LONRF1: variants seen among roughly 807,000 people sequenced by gnomAD.
LONRF1 encodes the protein LON peptidase N-terminal domain and RING finger protein 1.
Under a neutral mutation model 85.8 loss-of-function variants are expected in LONRF1, and 37 were observed. The ratio of observed to expected loss-of-function variants is 0.43; its 90% CI spans 0.33 to 0.57. The LOEUF is 0.57. Among genes scored for constraint, LONRF1 ranks in the 20% least tolerant of loss-of-function variants. The probability of loss-of-function intolerance (pLI) is 0.04; values close to 1 mark genes in which losing one functional copy is unlikely to be tolerated. For missense variants in LONRF1, 1,036 were observed against 978.0 expected (o/e 1.06, Z -0.79); for synonymous variants, 517 against 390.1 (o/e 1.33, Z -3.83).
At chr8:12,733,700 A>G (rs904590212) in intron 7 of LONRF1, among the ~76,000 whole-genome samples, 3 of 152,196 alleles carry the variant, frequency 2.0e-5, no homozygotes, top group African/African-American at 2.4e-5. Flanking sequence ...AACCTTATAT[A>G]TCCAACAACA....
rs1805917194 is a variant in LONRF1, at chr8:12,722,237, T to TC, written c.*858dup. ...TGCATTTTTTTTTAAAACAAACACA[T>TC]CATGTCAAACTATAAATTACACAAA... On this transcript the variant is annotated 3_prime_UTR_variant, in exon 12 of 12. Transcript: ENST00000398246. 6.6e-6 allele frequency: 1 copy of TC among 152,536 alleles called. No individual in the cohort carries two copies. The highest frequency in any genetic ancestry group is 1.5e-5 in the Non-Finnish European group (1 of 68,014). The allele number at this position is 152,536 out of a possible 1,614,324, so 9.4% of individuals were successfully genotyped here. A position where few individuals can be genotyped will look rare whatever the true frequency, so the allele number is the denominator to read the frequency against.
Position 12,738,121 on chromosome 8 carries a change from A to C in LONRF1, c.987T>G (p.Pro329=), listed in dbSNP as rs772463969. ...VQKILCDLLL[P]ENLKEGLKES... is the part of the protein sequence containing the mutation. ...CCTTCAGGCCTTCTTTTAAGTTTTC[A>C]GGTAATAATAAATCACATAAAATCT... Residue 329 remains proline (P), a synonymous_variant, in exon 4 of 12, where the codon CCT becomes CCG. Transcript: ENST00000398246. 2.5e-6 allele frequency: 4 copies of C among 1,582,304 alleles called. No homozygotes were observed. The highest frequency in any genetic ancestry group is 3.4e-6 in the Non-Finnish European group (4 of 1,159,512).
rs775406116 is a variant in LONRF1 at position 12,737,180 on chromosome 8, A to C, written c.1114-40T>G. The C allele has an allele frequency of 6.3e-6, 10 of 1,598,664 alleles. No homozygotes were observed. In the South Asian group the frequency reaches 1.1e-4, roughly 18 times the overall value. The stretch of plus-strand genomic sequence containing the variant: ...TAAACAAAGGTAACTGTATTTCTTT[A>C]CTATCCTTTATTCCTCTCACCAAGA... On this transcript the variant is annotated intron_variant, in intron 4 of 11. Transcript: ENST00000398246.
intron 1 of LONRF1, among the ~76,000 whole-genome samples, chr8:12,747,109 G>T (rs919166591): frequency 5.9e-5 from 9 of 152,124 alleles, no homozygotes; most frequent in African/African-American, 1.9e-4. Context: ...ATTAAAATTT[G>T]ATTCCTTAAG....
intron 1 of LONRF1, among the ~76,000 whole-genome samples, chr8:12,751,302 T>TGTTTGTTTG (rs1263610391): frequency 1.0e-5 from 1 of 96,600 alleles, no homozygotes; most frequent in Non-Finnish European, 2.4e-5. Context: ...TTATGTTTTT[T>TGTTTGTTTG]TTTTTTTTTT....
intron 7 of LONRF1, among the ~76,000 whole-genome samples, chr8:12,734,874 C>A (rs1471948451): frequency 1.3e-5 from 2 of 152,120 alleles, no homozygotes; most frequent in Admixed American, 6.6e-5. Context: ...TCCATCAATG[C>A]AGAAAATTCT....
chr8:12,737,414 T>A (rs1229959832), intron 4 of LONRF1: 1 of 601,190 alleles, frequency 1.7e-6, no homozygotes, highest in Non-Finnish European at 3.1e-6. Flanking sequence ...GACTTTTTTC[T>A]TGTCATTATT....
chr8:12,728,410 G>C (rs1222446820), intron 10 of LONRF1, among the ~76,000 whole-genome samples: 2 of 152,118 alleles, frequency 1.3e-5, no homozygotes, highest in African/African-American at 4.8e-5. Context: ...GTTATCTTAG[G>C]CACAAGAACA....
chr8:12,730,464 T>C (rs1263151014), intron 8 of LONRF1, among the ~76,000 whole-genome samples: 1 of 152,168 alleles, frequency 6.6e-6, no homozygotes, highest in East Asian at 1.9e-4. Flanking sequence ...AGGTGAAACA[T>C]GTTTAAAATA....
At chr8:12,735,100 C>T (rs1468809317) in intron 7 of LONRF1, among the ~76,000 whole-genome samples, 186 bp downstream of exon 7, 1 of 152,018 alleles carries the variant, frequency 6.6e-6, no homozygotes, top group African/African-American at 2.4e-5. Context: ...CTTCTTTCTC[C>T]CCATCCTCTT....
At chr8:12,734,665 C>T (rs976174532) in intron 7 of LONRF1, among the ~76,000 whole-genome samples, 1 of 152,174 alleles carries the variant, frequency 6.6e-6, no homozygotes, top group Non-Finnish European at 1.5e-5. Context: ...GGAAGCTGTA[C>T]CTCCCTCTCT....
chr8:12,748,511 G>A (rs889603634), intron 1 of LONRF1, among the ~76,000 whole-genome samples: 1 of 152,100 alleles, frequency 6.6e-6, no homozygotes, highest in Non-Finnish European at 1.5e-5. Flanking sequence ...AAGTTATAAA[G>A]ATATACAACA....
At chr8:12,747,935 T>G (rs1375934162) in intron 1 of LONRF1, among the ~76,000 whole-genome samples, 1 of 152,208 alleles carries the variant, frequency 6.6e-6, no homozygotes, top group Non-Finnish European at 1.5e-5. Context: ...ATGTGTAAAG[T>G]ACATTTTTAA....
At chr8:12,746,753 C>T (rs988390303) in intron 1 of LONRF1, among the ~76,000 whole-genome samples, 9 of 152,274 alleles carry the variant, frequency 5.9e-5, no homozygotes, top group Admixed American at 2.0e-4. Context: ...GTATATGCAG[C>T]TTGCCCATGA....
Position 12,745,918 on chromosome 8 carries a change from G to A in LONRF1, c.722-2636C>T, listed in dbSNP as rs547145054. On this transcript the variant is annotated intron_variant, in intron 1 of 11. Transcript: ENST00000398246. ...GCTAGTTGTCATGATTTAACTCCCT[G>A]ATCTTTATCTTTAGTCCTGATTTTT... 5.9e-5 allele frequency among the ~76,000 whole-genome samples: 9 copies of A among 152,174 alleles called. No homozygotes were observed. The South Asian group carries it at 1.9e-3, about 32-fold the overall frequency.
chr8:12,731,878 A>G, intron 7 of LONRF1, 21 bp from the exon 8 acceptor site: 1 of 1,604,130 alleles, frequency 6.2e-7, no homozygotes, highest in Non-Finnish European at 8.5e-7. Context: ...ATATTATTTT[A>G]CATTCCAGCA....
chr8:12,729,199 T>A lies in LONRF1; in HGVS notation c.1822A>T (p.Met608Leu), dbSNP rs1172255761. 1 of 1,613,842 alleles carries A rather than the reference T, an allele frequency of 6.2e-7. No homozygotes were observed. Among genetic ancestry groups the A allele is most frequent in the Non-Finnish European group, 8.5e-7 (1 of 1,179,886 alleles). ...CTATTTTGTGTATCACTGACACACA[T>A]GCCAAACTGTTTGGTTCCAGTCTGT... is the stretch of plus-strand genomic sequence containing the variant. ...SIQTGTKQFGMCVSDTQNSFA... is the reference protein window; with the variant it reads ...SIQTGTKQFGLCVSDTQNSFA... The change falls in exon 9 of 12, where the codon ATG (methionine) becomes TTG (leucine). Residue 608 changes from methionine to leucine, a missense_variant. Coordinates refer to ENST00000398246, the MANE Select transcript of LONRF1 (RefSeq NM_152271.5).
Position 12,729,199 on chromosome 8 carries a change from T to G in LONRF1, c.1822A>C (p.Met608Leu). The G allele has an allele frequency of 6.2e-7, 1 of 1,613,960 alleles. No homozygotes were observed. The highest frequency in any genetic ancestry group is 8.5e-7 in the Non-Finnish European group (1 of 1,179,878). Residue 608 changes from methionine to leucine, a missense_variant, in exon 9 of 12, where the codon ATG becomes CTG. This residue lies in a region of LONRF1 where 265 missense variants were observed against 301.5 expected (regional missense o/e 0.88). Transcript: ENST00000398246. ...SIQTGTKQFGMCVSDTQNSFA... is the reference protein window; with the variant it reads ...SIQTGTKQFGLCVSDTQNSFA... The stretch of plus-strand genomic sequence containing the variant: ...CTATTTTGTGTATCACTGACACACA[T>G]GCCAAACTGTTTGGTTCCAGTCTGT...
rs553306112 is a variant in LONRF1 at position 12,728,967 on chromosome 8, C to G, written c.1944G>C (p.Arg648Ser). 6.2e-7 allele frequency: 1 copy of G among 1,613,996 alleles called. No homozygotes were observed. The highest frequency in any genetic ancestry group is 2.2e-5 in the East Asian group (1 of 44,876). ...CATCTTTCATTCCTCTTTTTAAAAC[C>G]CTAAACCGCTTTCCTCCAACTGTAT... ...VVDTVGGKRF[R>S]VLKRGMKDGY... is the part of the protein sequence containing the mutation. The change falls in exon 10 of 12, where the codon AGG becomes AGC. Residue 648 changes from arginine to serine, a missense_variant. Arg to Ser is a moderately radical substitution (Grantham distance 110). Coordinates refer to ENST00000398246, the MANE Select transcript of LONRF1 (RefSeq NM_152271.5).
Sources: gnomAD v4.1 joint callset for allele counts (sites outside exome capture counted in the v4.1 genomes callset) on GRCh38, gnomAD v4.1.1 for gene constraint, gnomAD v4.1.1 regional missense constraint, MANE v1.5 for transcripts, NCBI Gene and HGNC (gene_info 2026-07-23, HGNC 2026-07-21) for gene names.